The following ZC4H2 variants were observed in gnomAD, a reference collection of about 807,000 sequenced individuals.
ZC4H2 encodes the protein zinc finger C4H2 domain-containing protein.
For synonymous variants in ZC4H2, 84 were observed against 66.3 expected, an observed-to-expected ratio of 1.27 and a Z score of -1.30; for missense variants, 137 against 173.9, an observed-to-expected ratio of 0.79 and a Z score of 1.19.
At chrX:64,943,904 T>C (rs1170373662) in intron 1 of ZC4H2, among the ~76,000 whole-genome samples, 2 of 111,097 alleles carry the variant, frequency 1.8e-5, no homozygotes, top group Admixed American at 1.9e-4. Context: ...GCACAATAGT[T>C]GATGCAGTTT....
intron 1 of ZC4H2, among the ~76,000 whole-genome samples, chrX:64,928,811 CCTT>C (rs763124347): frequency 8.7e-4 from 84 of 96,365 alleles, no homozygotes; most frequent in African/African-American, 2.2e-3. Context: ...TTCTTCTTCT[CCTT>C]CTTCTTCTTC....
intron 1 of ZC4H2, among the ~76,000 whole-genome samples, chrX:65,003,125 C>CAA (rs34863152): frequency 3.5e-4 from 31 of 87,556 alleles, no homozygotes; most frequent in African/African-American, 1.1e-3. Context: ...GTCTGAAATT[C>CAA]AAAAAAAAAA....
At position 64,921,895 on chromosome X, in the gene ZC4H2, C is replaced by T. The variant is rs1254085765; in HGVS notation, c.147G>A (p.Lys49=). 1.7e-6 allele frequency: 2 copies of T among 1,208,371 alleles called. No homozygotes were observed. Among genetic ancestry groups the T allele is most frequent in the Middle Eastern group, 2.3e-4 (1 of 4,351 alleles). ...ESEERHLKEY[K]QEMDLLLQEK... is the part of the protein sequence containing the mutation. ...CCTGTAGCAGAAGGTCCATCTCCTG[C>T]TTGTATTCCTTCAGGTGCCTTTCCT... Residue 49 remains lysine, a synonymous_variant, in exon 2 of 5, where the codon AAG becomes AAA. Transcript: ENST00000374839.
At chrX:64,961,965 C>T (rs1931408831) in intron 1 of ZC4H2, among the ~76,000 whole-genome samples, 1 of 111,574 alleles carries the variant, frequency 9.0e-6, no homozygotes, top group Non-Finnish European at 1.9e-5. Context: ...GCTGGCTTCA[C>T]TGGTGGCTTC....
In ZC4H2 at chrX:64,919,134, C is replaced by T. The variant is rs756615930; in HGVS notation, c.469G>A (p.Ala157Thr). 14 of 1,205,217 alleles carry T rather than the reference C, an allele frequency of 1.2e-5. No homozygotes were observed. Among genetic ancestry groups the T allele is most frequent in the Admixed American group, 6.6e-5 (3 of 45,240 alleles). Residue 157 changes from alanine to threonine, a missense_variant, in exon 4 of 5, where the codon GCT (alanine) becomes ACT (threonine). By Grantham distance (58) the Ala-to-Thr change is moderately conservative. Coordinates refer to ENST00000374839, the MANE Select transcript of ZC4H2 (RefSeq NM_018684.4). ...AGCTGTTGGGCGGCAGCGGCTGCAG[C>T]GGCCAGGGACTCAGGGATGGGGGGC... Reference protein sequence around the residue: ...QEPPIPESLAAAAAAAQQLQV... With the variant: ...QEPPIPESLATAAAAAQQLQV...
chrX:64,990,643 C>G (rs1275965641), intron 1 of ZC4H2, among the ~76,000 whole-genome samples: 1 of 111,538 alleles, frequency 9.0e-6, no homozygotes, highest in Non-Finnish European at 1.9e-5. Flanking sequence ...TCAGCATTCC[C>G]TTAAAATTAT....
rs1602376321 is a variant in ZC4H2, at chrX:64,915,816, T to C, written c.*1967A>G. On this transcript the variant is annotated 3_prime_UTR_variant, in exon 5 of 5. Coordinates refer to ENST00000374839, the MANE Select transcript of ZC4H2 (RefSeq NM_018684.4). ...GCTAATATTTTCCCCATTTTCCAGA[T>C]GAGGACACTGAGGCACAGAGAGGTT... 8.9e-6 allele frequency: 1 copy of C among 112,116 alleles called. No individual in the cohort carries two copies. The highest frequency in any genetic ancestry group is 1.9e-5 in the Non-Finnish European group (1 of 53,249). 9.2% of individuals were successfully genotyped at this position (112,116 alleles called of 1,213,427 possible). A position where few individuals can be genotyped will look rare whatever the true frequency, so the allele number is the denominator to read the frequency against.
chrX:64,936,100 C>T (rs1929998350), intron 1 of ZC4H2, among the ~76,000 whole-genome samples: 1 of 109,296 alleles, frequency 9.1e-6, no homozygotes, highest in African/African-American at 3.3e-5. Flanking sequence ...GGATAAAAAC[C>T]ATGGCACAAG....
At chrX:65,013,623 C>G (rs760629195) in intron 1 of ZC4H2, among the ~76,000 whole-genome samples, 2 of 111,318 alleles carry the variant, frequency 1.8e-5, no homozygotes, top group South Asian at 7.7e-4. Context: ...CTCAGTCCAA[C>G]AATCCACAAA....
intron 1 of ZC4H2, among the ~76,000 whole-genome samples, chrX:65,026,276 A>G (rs1265989782): frequency 1.8e-5 from 2 of 112,235 alleles, no homozygotes; most frequent in African/African-American, 6.5e-5. Flanking sequence ...TAAATTATTC[A>G]GGCAAAATGG....
intron 1 of ZC4H2, among the ~76,000 whole-genome samples, chrX:64,932,426 A>AT (rs765732591): frequency 8.2e-5 from 9 of 110,112 alleles, no homozygotes; most frequent in African/African-American, 2.6e-4. Flanking sequence ...TATGTTTTGG[A>AT]TTTTTTTCAT....
intron 1 of ZC4H2, among the ~76,000 whole-genome samples, chrX:65,003,123 T>C (rs1327118348): frequency 1.2e-5 from 1 of 85,469 alleles, no homozygotes; most frequent in Non-Finnish European, 1.9e-5. Flanking sequence ...TTGTCTGAAA[T>C]TCAAAAAAAA....
intron 1 of ZC4H2, among the ~76,000 whole-genome samples, chrX:64,941,765 C>A (rs1451390887): frequency 8.9e-6 from 1 of 111,911 alleles, no homozygotes; most frequent in Non-Finnish European, 1.9e-5. Context: ...GGTGAATGAG[C>A]TTTTTGATGT....
intron 1 of ZC4H2, among the ~76,000 whole-genome samples, chrX:64,927,349 T>C (rs904438102): frequency 4.5e-5 from 5 of 110,693 alleles, no homozygotes; most frequent in African/African-American, 1.6e-4. Context: ...TTCTTTTTGT[T>C]CAACTACCAC....
At chrX:64,978,145 CTA>C (rs1932003732), upstream of ZC4H2, among the ~76,000 whole-genome samples, 1 of 111,537 alleles carries the variant, frequency 9.0e-6, no homozygotes, top group African/African-American at 3.3e-5. Flanking sequence ...TGGGAGGCCT[CTA>C]TGAGATCATT....
chrX:65,023,808 T>C (rs1932855064), intron 1 of ZC4H2, among the ~76,000 whole-genome samples: 1 of 111,569 alleles, frequency 9.0e-6, no homozygotes, highest in Non-Finnish European at 1.9e-5. Flanking sequence ...CGTGCATACA[T>C]ACATTTATTG....
chrX:64,918,793 A>G (rs1255986103), intron 4 of ZC4H2: 2 of 281,637 alleles, frequency 7.1e-6, no homozygotes, highest in African/African-American at 5.6e-5. Context: ...TCTAACTTTT[A>G]GAATTGCACT....
At chrX:64,965,920 G>A (rs779698500) in intron 1 of ZC4H2, among the ~76,000 whole-genome samples, 4 of 96,079 alleles carry the variant, frequency 4.2e-5, no homozygotes, top group East Asian at 7.1e-4. Flanking sequence ...CTTGGGTGGC[G>A]GAGTGATATC....
At chrX:64,947,518 T>C (rs1930592133) in intron 1 of ZC4H2, among the ~76,000 whole-genome samples, 1 of 112,791 alleles carries the variant, frequency 8.9e-6, no homozygotes, top group Non-Finnish European at 1.9e-5. Context: ...AATTAGGTTA[T>C]TGTAATGCTT....
Sources: allele counts gnomAD v4.1 joint callset (sites outside exome capture counted in the v4.1 genomes callset), GRCh38; gene constraint gnomAD v4.1.1; transcripts MANE v1.5; gene names NCBI Gene and HGNC (gene_info 2026-07-23, HGNC 2026-07-21).